The following RIN3 variants were observed in gnomAD, a reference collection of about 807,000 sequenced individuals.
The protein encoded by RIN3 is RAB5 interacting protein 3.
RIN3 carries 54 observed loss-of-function variants against 76.3 expected under a neutral mutation model. The observed-to-expected ratio is 0.71, with a 90% CI of 0.57 to 0.89. The LOEUF is 0.89. RIN3 is among the 40% of genes least tolerant of loss of function. The probability of loss-of-function intolerance (pLI) is 0.00; values close to 1 mark genes in which losing one functional copy is unlikely to be tolerated. For missense variants in RIN3, 1,256 were observed against 1,322.1 expected, an observed-to-expected ratio of 0.95 and a Z score of 0.78; for synonymous variants, 576 against 564.0, an observed-to-expected ratio of 1.02 and a Z score of -0.30.
At chr14:92,617,763 G>A (rs1595459575) in intron 4 of RIN3, among the ~76,000 whole-genome samples, 1 of 152,174 alleles carries the variant, frequency 6.6e-6, no homozygotes, top group Non-Finnish European at 1.5e-5. Flanking sequence ...TTCATTTGCT[G>A]TATTTCTCCA....
At chr14:92,523,518 T>C (rs1896650813) in intron 1 of RIN3, among the ~76,000 whole-genome samples, 1 of 152,238 alleles carries the variant, frequency 6.6e-6, no homozygotes, top group Admixed American at 6.5e-5. Flanking sequence ...CCAGATTATA[T>C]GCCCGAAGTA....
At chr14:92,668,587 G>A (rs1373102074) in intron 7 of RIN3, among the ~76,000 whole-genome samples, 1 of 152,214 alleles carries the variant, frequency 6.6e-6, no homozygotes, top group Non-Finnish European at 1.5e-5. Context: ...GTGGGAGAGA[G>A]GGGGCTGGGT....
chr14:92,543,140 T>A (rs1897164468), intron 1 of RIN3, among the ~76,000 whole-genome samples: 2 of 152,162 alleles, frequency 1.3e-5, no homozygotes, highest in South Asian at 4.2e-4. Context: ...TCAACCGCAG[T>A]TGACAAACCT....
intron 5 of RIN3, among the ~76,000 whole-genome samples, chr14:92,645,982 C>T (rs888461144): frequency 2.7e-5 from 4 of 150,744 alleles, no homozygotes; most frequent in Non-Finnish European, 4.4e-5. Flanking sequence ...AAATTGATTG[C>T]GGTGAGAGTT....
intron 1 of RIN3, among the ~76,000 whole-genome samples, chr14:92,549,732 T>A (rs1041803183): frequency 1.3e-5 from 2 of 152,204 alleles, no homozygotes; most frequent in African/African-American, 4.8e-5. Flanking sequence ...CTGCTGGCAC[T>A]GCGTCTGGCA....
intron 6 of RIN3, among the ~76,000 whole-genome samples, chr14:92,654,723 G>A (rs1887600107): frequency 6.6e-6 from 1 of 152,210 alleles, no homozygotes; most frequent in Admixed American, 6.5e-5. Flanking sequence ...GTCTGCACAG[G>A]GCCCTGTAAG....
chr14:92,622,619 T>A (rs1049074159), intron 4 of RIN3, among the ~76,000 whole-genome samples: 1 of 152,220 alleles, frequency 6.6e-6, no homozygotes. Flanking sequence ...CCTGTTCCTG[T>A]GTCTTCCCCC....
chr14:92,610,651 G>A (rs1222100347), intron 3 of RIN3, among the ~76,000 whole-genome samples: 1 of 152,188 alleles, frequency 6.6e-6, no homozygotes, highest in Non-Finnish European at 1.5e-5. Flanking sequence ...CAAAGACTTT[G>A]GTGTAGAAGG....
In RIN3 at chr14:92,651,858, C is replaced by T. The variant is rs149430559; in HGVS notation, c.809C>T (p.Ser270Leu). 179 of 1,609,670 alleles carry T rather than the reference C, an allele frequency of 1.1e-4. 1 individual carries two copies. Among genetic ancestry groups the T allele is most frequent in the African/African-American group, 1.1e-3 (79 of 74,836 alleles). Residue 270 changes from serine to leucine, a missense_variant, in exon 6 of 10, where the codon TCA becomes TTA. Ser to Leu is a moderately radical substitution (Grantham distance 145, BLOSUM62 -2). Around this residue, in one of 3 missense-constraint regions of RIN3, gnomAD observed 610 missense variants for 626.4 expected, o/e 0.97. Transcript: ENST00000216487. ...TTGCCGCCCACCTCTGATGCCACCTCACCCACCTCCAGGTGGGCCCCACGC... is the reference window on the plus strand; with the variant it reads ...TTGCCGCCCACCTCTGATGCCACCTTACCCACCTCCAGGTGGGCCCCACGC... ...RPLPPTSDAT[S>L]PTSRWAPRRP...
At chr14:92,665,510 C>T (rs768924279) in intron 7 of RIN3, among the ~76,000 whole-genome samples, 1 of 151,016 alleles carries the variant, frequency 6.6e-6, no homozygotes, top group Non-Finnish European at 1.5e-5. Context: ...TCCTGATTAG[C>T]TGGGACTACA....
intron 3 of RIN3, among the ~76,000 whole-genome samples, chr14:92,611,914 C>G (rs1885753083): frequency 6.6e-6 from 1 of 152,126 alleles, no homozygotes; most frequent in African/African-American, 2.4e-5. Context: ...CCTCAGGAAA[C>G]TTACAATCAC....
chr14:92,601,195 A>G (rs542078199), intron 3 of RIN3, among the ~76,000 whole-genome samples: 1 of 152,340 alleles, frequency 6.6e-6, no homozygotes, highest in South Asian at 2.1e-4. Context: ...TATTGGGATT[A>G]ATTTTACCCA....
intron 4 of RIN3, among the ~76,000 whole-genome samples, chr14:92,640,773 G>A (rs74389241): frequency 2.0e-5 from 3 of 146,622 alleles, no homozygotes; most frequent in Non-Finnish European, 4.5e-5. Context: ...TTCATCGGGG[G>A]CTGCCTGACT....
chr14:92,585,801 T>C (rs1019697319), intron 3 of RIN3, among the ~76,000 whole-genome samples: 1 of 152,150 alleles, frequency 6.6e-6, no homozygotes, highest in African/African-American at 2.4e-5. Flanking sequence ...GTATTTTCTG[T>C]AGAGACAGGG....
intron 1 of RIN3, among the ~76,000 whole-genome samples, chr14:92,540,437 A>G (rs1897108565): frequency 6.6e-6 from 1 of 152,240 alleles, no homozygotes; most frequent in Non-Finnish European, 1.5e-5. Flanking sequence ...AGCCACAAGC[A>G]TCTGTGAGAA....
chr14:92,634,160 C>T (rs934135159), intron 4 of RIN3, among the ~76,000 whole-genome samples: 6 of 151,042 alleles, frequency 4.0e-5, no homozygotes, highest in East Asian at 1.9e-4. Context: ...CTGCAACCTC[C>T]GCCTCCTGGG....
At chr14:92,579,231 A>G (rs1898360350) in intron 3 of RIN3, among the ~76,000 whole-genome samples, 1 of 152,212 alleles carries the variant, frequency 6.6e-6, no homozygotes, top group African/African-American at 2.4e-5. Flanking sequence ...CCCGGCCCTG[A>G]GCCATAATTT....
At chr14:92,660,427 G>A (rs957806594) in intron 7 of RIN3, among the ~76,000 whole-genome samples, 1 of 152,198 alleles carries the variant, frequency 6.6e-6, no homozygotes, top group Non-Finnish European at 1.5e-5. Flanking sequence ...TTGCTGAGTG[G>A]TTGGTTGGCT....
At chr14:92,602,891 C>T (rs1421366775) in intron 3 of RIN3, among the ~76,000 whole-genome samples, 1 of 152,182 alleles carries the variant, frequency 6.6e-6, no homozygotes, top group East Asian at 1.9e-4. Context: ...GCAGAGCTAT[C>T]CCTTAGAACC....
Sources: allele counts gnomAD v4.1 joint callset (sites outside exome capture counted in the v4.1 genomes callset), GRCh38; gene constraint gnomAD v4.1.1; regional missense constraint gnomAD v4.1.1; transcripts MANE v1.5; gene names NCBI Gene and HGNC (gene_info 2026-07-23, HGNC 2026-07-21).